Variants in BTBD17 observed in about 807,000 individuals in gnomAD.
The protein encoded by BTBD17 is BTB/POZ domain-containing protein 17.
A neutral mutation model predicts 36.9 loss-of-function variants in BTBD17; 26 were observed. The ratio of observed to expected loss-of-function variants is 0.70; its 90% CI spans 0.52 to 0.98. The LOEUF is 0.98. Among genes scored for constraint, BTBD17 ranks in the 50% least tolerant of loss-of-function variants. BTBD17 has a pLI of 0.00. For synonymous variants in BTBD17, 341 were observed against 338.0 expected (o/e 1.01, Z -0.10); for missense variants, 630 against 691.3 (o/e 0.91, Z 0.99).
upstream of BTBD17, among the ~76,000 whole-genome samples, chr17:74,362,969 T>C (rs61348825): frequency 0.064 from 9,541 of 150,036 alleles, 1,022 homozygotes; most frequent in African/African-American, 0.22. Flanking sequence ...CGCGCGCATG[T>C]GTGTGTGTGT....
At chr17:74,359,158 C>T (rs2054918373) in intron 2 of BTBD17, among the ~76,000 whole-genome samples, 1 of 152,112 alleles carries the variant, frequency 6.6e-6, no homozygotes, top group Non-Finnish European at 1.5e-5. Flanking sequence ...TTTTCAGCTC[C>T]CTAGCCCTGT....
At position 74,357,378 on chromosome 17, in the gene BTBD17, C is replaced by T; in HGVS notation, c.716G>A (p.Gly239Asp). Residue 239 changes from glycine (G) to aspartate (D), a missense_variant, in exon 3 of 3, where the codon GGT becomes GAT. Physicochemically the swap from Gly to Asp is moderately conservative, Grantham distance 94 (BLOSUM62 -1). Transcript: ENST00000375366. This position sits in a 1 kb window ranked among gnomAD's most constrained non-coding sequence, Gnocchi z 8.4. ...CACGGCAGGGGGCGGCCGCGCGCGACCCAGCCAGGCCTCCAGCGCGTGGAA... is the reference window on the plus strand; with the variant it reads ...CACGGCAGGGGGCGGCCGCGCGCGATCCAGCCAGGCCTCCAGCGCGTGGAA... ...ELFHALEAWL[G>D]RARPPPAVAE... 6.4e-7 allele frequency: 1 copy of T among 1,559,208 alleles called. No homozygotes were observed. Among genetic ancestry groups the T allele is most frequent in the Non-Finnish European group, 8.6e-7 (1 of 1,161,652 alleles).
Position 74,360,200 on chromosome 17 carries a change from T to G in BTBD17, c.131A>C (p.Asn44Thr). Reference sequence around the variant, plus strand: ...GCGCTGGAGCACCGCCTGGGAGTGGTTGATGGAGGTGCCAGCTGCCTCCCC... The same window carrying G: ...GCGCTGGAGCACCGCCTGGGAGTGGGTGATGGAGGTGCCAGCTGCCTCCCC... Reference protein sequence around the residue: ...VGGEAAGTSINHSQAVLQRLQ... With the variant: ...VGGEAAGTSITHSQAVLQRLQ... The change falls in exon 2 of 3, where the codon AAC becomes ACC. Residue 44 changes from asparagine (N) to threonine (T), a missense_variant. By Grantham distance (65) the Asn-to-Thr change is moderately conservative. Transcript: ENST00000375366. The G allele has an allele frequency of 6.2e-7, 1 of 1,609,402 alleles. No individual in the cohort carries two copies.
upstream of BTBD17, among the ~76,000 whole-genome samples, chr17:74,363,201 G>A (rs2054951775): frequency 6.6e-6 from 1 of 152,110 alleles, no homozygotes; most frequent in South Asian, 2.1e-4. Context: ...ATTGATTTCT[G>A]CCTCTGGCTG....
chr17:74,356,833 C>G lies in BTBD17; in HGVS notation c.1261G>C (p.Gly421Arg), dbSNP rs1331096951. Reference sequence around the variant, plus strand: ...TAGGCGTGGCGGACCAGCAGGCGGCCCTGCTGGCGCGCCCCCACCAGCACC... The same window carrying G: ...TAGGCGTGGCGGACCAGCAGGCGGCGCTGCTGGCGCGCCCCCACCAGCACC... ...KTVLVGARQQ[G>R]RLLVRHAYSF... The change falls in exon 3 of 3, where the codon GGC (glycine) becomes CGC (arginine). Residue 421 changes from glycine (G) to arginine (R), a missense_variant. Transcript: ENST00000375366. The surrounding 1 kb of genome is among the most constrained non-coding windows in gnomAD (Gnocchi z 4.3). The G allele has an allele frequency of 6.4e-7, 1 of 1,568,074 alleles. No homozygotes were observed. Among genetic ancestry groups the G allele is most frequent in the Admixed American group, 1.8e-5 (1 of 54,128 alleles).
At position 74,356,650 on chromosome 17, in the gene BTBD17, C is replaced by T; in HGVS notation, c.*7G>A. On this transcript the variant is annotated 3_prime_UTR_variant, in exon 3 of 3. Coordinates refer to ENST00000375366, the MANE Select transcript of BTBD17 (RefSeq NM_001080466.2). The surrounding 1 kb of genome is among the most constrained non-coding windows in gnomAD (Gnocchi z 4.3). ...CTAGGCCAGGCCTTTATTCCCAGAC[C>T]CCGAGGCTACTTGGGGGTCCGGATA... 2 of 1,505,956 alleles carry T rather than the reference C, an allele frequency of 1.3e-6. No individual in the cohort carries two copies. The allele number at this position is 1,505,956 out of a possible 1,614,324, so 93.3% of individuals were successfully genotyped here.
chr17:74,357,262 GGCGCGCCAGGGCTGCCGA>G lies in BTBD17; in HGVS notation c.814_831del (p.Ser272_Arg277del), dbSNP rs2054901383. On this transcript the variant is annotated inframe_deletion, in exon 3 of 3. Coordinates refer to ENST00000375366, the MANE Select transcript of BTBD17 (RefSeq NM_001080466.2). The surrounding 1 kb of genome is among the most constrained non-coding windows in gnomAD (Gnocchi z 8.4). ...AGGAGGTCGGCCACCGCGGGGCCGTGGCGCGCCAGGGCTGCCGAGCGCGCCTGCAGCTGGAACAGCTGT... is the reference window on the plus strand; with the variant it reads ...AGGAGGTCGGCCACCGCGGGGCCGTGGCGCGCCTGCAGCTGGAACAGCTGT... 6.4e-7 allele frequency: 1 copy of G among 1,558,810 alleles called. No homozygotes were observed. Among genetic ancestry groups the G allele is most frequent in the Non-Finnish European group, 8.6e-7 (1 of 1,156,594 alleles).
At position 74,357,156 on chromosome 17, in the gene BTBD17, G is replaced by A; in HGVS notation, c.938C>T (p.Pro313Leu). The change falls in exon 3 of 3, where the codon CCC becomes CTC. Residue 313 changes from proline (P) to leucine (L), a missense_variant. Physicochemically the swap from Pro to Leu is moderately conservative, Grantham distance 98. Transcript: ENST00000375366. This position sits in a 1 kb window ranked among gnomAD's most constrained non-coding sequence, Gnocchi z 8.4. Reference protein sequence around the residue: ...FFDVNGSAFLPRNYLAPAWGA... With the variant: ...FFDVNGSAFLLRNYLAPAWGA... ...CCAGGCGGGCGCGAGGTAGTTGCGG[G>A]GCAGGAAGGCGCTGCCGTTGACGTC... 1.3e-6 allele frequency: 2 copies of A among 1,541,958 alleles called. No homozygotes were observed. The highest frequency in any genetic ancestry group is 1.7e-6 in the Non-Finnish European group (2 of 1,150,118).
upstream of BTBD17, among the ~76,000 whole-genome samples, chr17:74,363,153 C>T (rs759531298): frequency 1.3e-5 from 2 of 152,138 alleles, no homozygotes; most frequent in Non-Finnish European, 2.9e-5. Context: ...AAATCTTCCT[C>T]TCCCTGGCTC....
chr17:74,357,878 C>CA lies in BTBD17; in HGVS notation c.363-148_363-147insT. The CA allele has an allele frequency of 1.7e-6, 1 of 601,174 alleles. No individual in the cohort carries two copies. Among genetic ancestry groups the CA allele is most frequent in the Non-Finnish European group, 2.8e-6 (1 of 354,568 alleles). The allele number at this position is 601,174 out of a possible 1,614,324, so 37.2% of individuals were successfully genotyped here. ...AGTGGAAGCCCCACCCTGAGGCTTC[C>CA]CATGTTTTCCTTTCAAGGACCCTTC... On this transcript the variant is annotated intron_variant, in intron 2 of 2. Coordinates refer to ENST00000375366, the MANE Select transcript of BTBD17 (RefSeq NM_001080466.2). The surrounding 1 kb of genome is among the most constrained non-coding windows in gnomAD (Gnocchi z 8.4).
intron 1 of BTBD17, 101 bp from the exon 2 acceptor site, chr17:74,360,346 G>A (rs749097386): frequency 6.3e-5 from 79 of 1,260,194 alleles, no homozygotes; most frequent in Non-Finnish European, 7.4e-5. Context: ...GCATGGGTGT[G>A]AGCAGAGGGC....
At chr17:74,360,774 C>T (rs951535503) in intron 1 of BTBD17, among the ~76,000 whole-genome samples, 5 of 152,296 alleles carry the variant, frequency 3.3e-5, no homozygotes, top group South Asian at 2.1e-4. Flanking sequence ...CATAAAAGCA[C>T]GAATTGACAT....
Position 74,357,964 on chromosome 17 carries a change from G to A in BTBD17, c.363-233C>T, listed in dbSNP as rs1447393080. 1.3e-5 allele frequency among the ~76,000 whole-genome samples: 2 copies of A among 152,204 alleles called. No individual in the cohort carries two copies. The highest frequency in any genetic ancestry group is 2.4e-5 in the African/African-American group (1 of 41,450). ...TTCCGCGGTGATGTAGAAATTGCCT[G>A]CATTGACTGTGCCTCTACTAGGCGT... On this transcript the variant is annotated intron_variant, in intron 2 of 2. Coordinates refer to ENST00000375366, the MANE Select transcript of BTBD17 (RefSeq NM_001080466.2). This position sits in a 1 kb window ranked among gnomAD's most constrained non-coding sequence, Gnocchi z 8.4.
At chr17:74,360,847 A>G (rs2054933389) in intron 1 of BTBD17, among the ~76,000 whole-genome samples, 1 of 152,244 alleles carries the variant, frequency 6.6e-6, no homozygotes, top group South Asian at 2.1e-4. Flanking sequence ...CCAGGGAACC[A>G]GTGTCAAGGC....
chr17:74,361,735 C>A lies in BTBD17; in HGVS notation c.85G>T (p.Ala29Ser). 1 of 1,613,224 alleles carries A rather than the reference C, an allele frequency of 6.2e-7. No individual in the cohort carries two copies. Among genetic ancestry groups the A allele is most frequent in the African/African-American group, 1.3e-5 (1 of 75,038 alleles). ...LTLVGLVTHAAQRADVGGEAA... is the reference protein window; with the variant it reads ...LTLVGLVTHASQRADVGGEAA... ...CGCACCTGGCCCACTGCCCGCTCAC[C>A]TGCATGGGTGACCAGGCCCACCAAG... The change falls in exon 1 of 3, where the codon GCA becomes TCA. Residue 29 changes from alanine (A) to serine (S), a missense_variant and splice_region_variant. Ala to Ser is a moderately conservative substitution (Grantham distance 99, BLOSUM62 1). Transcript: ENST00000375366.
At chr17:74,362,855 C>CA (rs1215496048), upstream of BTBD17, among the ~76,000 whole-genome samples, 1 of 152,190 alleles carries the variant, frequency 6.6e-6, no homozygotes, top group Admixed American at 6.5e-5. Flanking sequence ...GAAACTGAGG[C>CA]AGGGAGCTAG....
Position 74,360,241 on chromosome 17 carries a change from C to G in BTBD17, c.90G>C (p.Gln30His). 6.2e-7 allele frequency: 1 copy of G among 1,603,602 alleles called. No homozygotes were observed. The highest frequency in any genetic ancestry group is 1.1e-5 in the South Asian group (1 of 90,230). The stretch of plus-strand genomic sequence containing the variant: ...CTGCCTCCCCGCCAACATCGGCTCT[C>G]TGTGCTGCAGCAGGAAGGAACACAG... ...TLVGLVTHAA[Q>H]RADVGGEAAG... is the part of the protein sequence containing the mutation. The change falls in exon 2 of 3, where the codon CAG becomes CAC. Residue 30 changes from glutamine to histidine, a missense_variant. Transcript: ENST00000375366.
At chr17:74,360,760 T>TCATAAAA (rs2054932868) in intron 1 of BTBD17, among the ~76,000 whole-genome samples, 1 of 152,154 alleles carries the variant, frequency 6.6e-6, no homozygotes. Flanking sequence ...CAAGTTCTTA[T>TCATAAAA]GCTCATAAAA....
intron 1 of BTBD17, 23 bp from the exon 2 acceptor site, chr17:74,360,268 A>G (rs1298432404): frequency 2.5e-6 from 4 of 1,583,204 alleles, no homozygotes; most frequent in Non-Finnish European, 3.4e-6. Context: ...GGAACACAGC[A>G]TAGCCTGAGA....
Sources: gnomAD v4.1 joint callset for allele counts (sites outside exome capture counted in the v4.1 genomes callset) on GRCh38, gnomAD v4.1.1 for gene constraint, Gnocchi (gnomAD v3.1) non-coding constraint, MANE v1.5 for transcripts, NCBI Gene and HGNC (gene_info 2026-07-23, HGNC 2026-07-21) for gene names.